The following NCOA2 variants were observed in gnomAD, a reference collection of about 807,000 sequenced individuals.
NCOA2 encodes the protein class E basic helix-loop-helix protein 75.
A neutral mutation model predicts 145.1 loss-of-function variants in NCOA2; 21 were observed. That is an observed-to-expected ratio of 0.14 (90% CI 0.10 to 0.21). The LOEUF (loss-of-function observed/expected upper bound fraction) is 0.21. Among genes scored for constraint, NCOA2 ranks in the 10% least tolerant of loss-of-function variants. The pLI is 1.00. For synonymous variants in NCOA2, 619 were observed against 637.5 expected (o/e 0.97, Z 0.44); for missense variants, 1,472 against 1,837.6 (o/e 0.80, Z 3.64).
chr8:70,438,123 A>G, the NCOA2 span, among the ~76,000 whole-genome samples: 59 of 152,320 alleles, frequency 3.9e-4, no homozygotes, highest in African/African-American at 1.4e-3. Context: ...TGGTAACTTT[A>G]TATCATATAT....
intron 1 of NCOA2, among the ~76,000 whole-genome samples, chr8:70,358,252 G>A (rs1339076283): frequency 6.6e-6 from 1 of 152,048 alleles, no homozygotes; most frequent in East Asian, 1.9e-4. Flanking sequence ...ATAGAAATGA[G>A]AGCCAACCAA....
chr8:70,158,088 T>C (rs1275507693), intron 10 of NCOA2, among the ~76,000 whole-genome samples: 2 of 152,250 alleles, frequency 1.3e-5, no homozygotes, highest in African/African-American at 2.4e-5. Flanking sequence ...TCACAAATTG[T>C]CAAACATCAG....
intron 2 of NCOA2, among the ~76,000 whole-genome samples, chr8:70,245,597 T>A (rs183182943): frequency 1.6e-3 from 243 of 152,128 alleles, no homozygotes; most frequent in African/African-American, 5.4e-3. Context: ...CATACACACG[T>A]GCATGCAATG....
intron 4 of NCOA2, among the ~76,000 whole-genome samples, chr8:70,175,445 C>T (rs554748183): frequency 1.3e-5 from 2 of 152,310 alleles, no homozygotes; most frequent in African/African-American, 4.8e-5. Context: ...GTTAGAAGCA[C>T]CCTACCAGGC....
chr8:70,274,281 A>G (rs184187709), intron 2 of NCOA2, among the ~76,000 whole-genome samples: 1 of 152,272 alleles, frequency 6.6e-6, no homozygotes, highest in East Asian at 1.9e-4. Context: ...TTTGGTTAAA[A>G]GTGCTTGGTG....
the NCOA2 span, among the ~76,000 whole-genome samples, chr8:70,417,970 C>A: frequency 6.6e-6 from 1 of 152,130 alleles, no homozygotes; most frequent in African/African-American, 2.4e-5. Context: ...GTTCATGGAG[C>A]CATTGTTATG....
At chr8:70,358,313 T>C (rs989102205) in intron 1 of NCOA2, among the ~76,000 whole-genome samples, 1 of 152,084 alleles carries the variant, frequency 6.6e-6, no homozygotes, top group Admixed American at 6.6e-5. Context: ...CAAAACAATA[T>C]TGAAAAAGAA....
At chr8:70,316,372 A>G (rs17677919) in intron 1 of NCOA2, among the ~76,000 whole-genome samples, 14,949 of 152,064 alleles carry the variant, frequency 0.098, 997 homozygotes, top group Non-Finnish European at 0.15. Flanking sequence ...ACCTCAACCA[A>G]CTCCAAGAAG....
At chr8:70,240,222 TA>T (rs1473719730) in intron 2 of NCOA2, among the ~76,000 whole-genome samples, 3 of 152,208 alleles carry the variant, frequency 2.0e-5, no homozygotes, top group African/African-American at 7.2e-5. Context: ...GAAAGGTTCT[TA>T]ACCTTTCAAA....
At chr8:70,304,798 A>G (rs1297564330) in intron 1 of NCOA2, among the ~76,000 whole-genome samples, 1 of 150,362 alleles carries the variant, frequency 6.7e-6, no homozygotes, top group Non-Finnish European at 1.5e-5. Context: ...CCTGGCAACT[A>G]TATGCATAAT....
At position 70,319,951 on chromosome 8, in the gene NCOA2, C is replaced by T. The variant is rs186441112; in HGVS notation, c.-76-23151G>A. Among the ~76,000 whole-genome samples the T allele has an allele frequency of 3.3e-3, 499 of 152,076 alleles. 3 individuals carry two copies. The highest frequency in any genetic ancestry group is 0.011 in the African/African-American group (470 of 41,490). On this transcript the variant is annotated intron_variant, in intron 1 of 22. Coordinates refer to ENST00000452400, the MANE Select transcript of NCOA2 (RefSeq NM_006540.4). ...TGCTTCTGTGATATTTTTAACTGTC[C>T]GATTTGTCAAAAAATATGATGATGG...
At chr8:70,366,225 T>C (rs940721017) in intron 1 of NCOA2, among the ~76,000 whole-genome samples, 2 of 151,920 alleles carry the variant, frequency 1.3e-5, no homozygotes, top group African/African-American at 4.8e-5. Context: ...GACCACATTC[T>C]AGGGGGAAAA....
chr8:70,273,488 A>G, intron 2 of NCOA2: 1 of 642,880 alleles, frequency 1.6e-6, no homozygotes. Flanking sequence ...AGCAAATGAT[A>G]AAAAACGTCA....
chr8:70,161,884 T>TC (rs1209626677), intron 9 of NCOA2, among the ~76,000 whole-genome samples: 2 of 138,286 alleles, frequency 1.4e-5, no homozygotes, highest in East Asian at 4.0e-4. Flanking sequence ...AGCAAAAGAA[T>TC]TTTTTTTTTT....
chr8:70,198,367 C>T (rs571156954), intron 4 of NCOA2, among the ~76,000 whole-genome samples: 9 of 152,056 alleles, frequency 5.9e-5, no homozygotes, highest in Non-Finnish European at 1.3e-4. Context: ...CCTAGAAGTA[C>T]GATGGCCAGA....
intron 1 of NCOA2, among the ~76,000 whole-genome samples, chr8:70,335,853 A>G (rs2136369397): frequency 6.6e-6 from 1 of 152,306 alleles, no homozygotes; most frequent in East Asian, 1.9e-4. Context: ...CTTCCAGACC[A>G]CAAACCTGTA....
In NCOA2 at chr8:70,159,516, A is replaced by C; in HGVS notation, c.1113T>G (p.His371Gln). Reference protein sequence around the residue: ...TNEPQLVISLHMLHREQNVCV... With the variant: ...TNEPQLVISLQMLHREQNVCV... ...AGAACTAGGATTACCTGTGAAGCAT[A>C]TGTAAAGATATTACAAGTTGAGGTT... The change falls in exon 10 of 23, where the codon CAT (histidine) becomes CAG (glutamine). Residue 371 changes from histidine to glutamine, a missense_variant. Around this residue, in one of 4 missense-constraint regions of NCOA2, gnomAD observed 284 missense variants for 467.8 expected, o/e 0.61. Coordinates refer to ENST00000452400, the MANE Select transcript of NCOA2 (RefSeq NM_006540.4). 6.2e-7 allele frequency: 1 copy of C among 1,608,274 alleles called. No homozygotes were observed. The highest frequency in any genetic ancestry group is 2.2e-5 in the East Asian group (1 of 44,840).
At position 70,214,085 on chromosome 8, in the gene NCOA2, A is replaced by G. The variant is rs1253883366; in HGVS notation, c.87-10T>C. On this transcript the variant is annotated splice_polypyrimidine_tract_variant and intron_variant, in intron 3 of 22. Transcript: ENST00000452400. ...AGTGTTCCTTTTGGGGCTTAAAAGA[A>G]GAAACACATTTTTATGATGTATTTG... 1 of 1,589,440 alleles carries G rather than the reference A, an allele frequency of 6.3e-7. No individual in the cohort carries two copies. The highest frequency in any genetic ancestry group is 8.5e-7 in the Non-Finnish European group (1 of 1,173,752).
At chr8:70,308,669 C>T (rs1268633743) in intron 1 of NCOA2, among the ~76,000 whole-genome samples, 2 of 152,300 alleles carry the variant, frequency 1.3e-5, no homozygotes, top group African/African-American at 4.8e-5. Flanking sequence ...ACCCCTCTTT[C>T]TAGCCCATCT....
Sources: gnomAD v4.1 joint callset for allele counts (sites outside exome capture counted in the v4.1 genomes callset) on GRCh38, gnomAD v4.1.1 for gene constraint, gnomAD v4.1.1 regional missense constraint, MANE v1.5 for transcripts, NCBI Gene and HGNC (gene_info 2026-07-23, HGNC 2026-07-21) for gene names.